Variants in OR56A3 observed in about 807,000 individuals in gnomAD.
The protein encoded by OR56A3 is olfactory receptor 56A3.
OR56A3 carries 23 observed loss-of-function variants against 17.5 expected under a neutral mutation model. The observed-to-expected ratio is 1.32, with a 90% CI of 0.95 to 1.87. OR56A3 has a LOEUF of 1.87. Among genes scored for constraint, OR56A3 ranks in the 40% most tolerant of loss-of-function variants. The probability of loss-of-function intolerance (pLI) is 0.00; values close to 1 mark genes in which losing one functional copy is unlikely to be tolerated. For missense variants in OR56A3, 366 were observed against 380.1 expected (o/e 0.96, Z 0.31); for synonymous variants, 175 against 150.6 (o/e 1.16, Z -1.19).
At chr11:5,956,534 T>C in the OR56A3 span, among the ~76,000 whole-genome samples, 423 of 152,304 alleles carry the variant, frequency 2.8e-3, 2 homozygotes, top group African/African-American at 9.7e-3. Flanking sequence ...TAAAACAAAG[T>C]ATTATTTCTG....
chr11:5,962,856 C>G, the OR56A3 span, among the ~76,000 whole-genome samples: 23 of 152,266 alleles, frequency 1.5e-4, no homozygotes, highest in Non-Finnish European at 2.8e-4. Context: ...TGAGATACTT[C>G]TACTACTATC....
chr11:5,976,455 A>G, the OR56A3 span, among the ~76,000 whole-genome samples: 1 of 152,162 alleles, frequency 6.6e-6, no homozygotes, highest in Non-Finnish European at 1.5e-5. Flanking sequence ...TTTGTGTCCT[A>G]AAATCTATAA....
the OR56A3 span, among the ~76,000 whole-genome samples, chr11:5,960,331 C>T: frequency 3.9e-5 from 6 of 152,048 alleles, no homozygotes; most frequent in East Asian, 9.7e-4. Context: ...ACTGTACTGC[C>T]ACCATCTCGG....
chr11:5,960,424 T>C, the OR56A3 span, among the ~76,000 whole-genome samples: 1 of 152,190 alleles, frequency 6.6e-6, no homozygotes, highest in East Asian at 1.9e-4. Context: ...CACACCTGAC[T>C]GGTTGTCGTA....
the OR56A3 span, among the ~76,000 whole-genome samples, chr11:5,961,146 G>C: frequency 6.7e-6 from 1 of 149,802 alleles, no homozygotes; most frequent in Non-Finnish European, 1.5e-5. Context: ...GGCAGCCCCC[G>C]CCCGGCCACC....
At chr11:5,984,011 G>A in the OR56A3 span, among the ~76,000 whole-genome samples, 2 of 152,102 alleles carry the variant, frequency 1.3e-5, no homozygotes, top group Admixed American at 6.5e-5. Context: ...GAGATTTTGC[G>A]ATGTCTTTCA....
the OR56A3 span, among the ~76,000 whole-genome samples, chr11:5,975,174 G>A: frequency 4.6e-5 from 7 of 152,184 alleles, no homozygotes; most frequent in African/African-American, 1.7e-4. Flanking sequence ...GGACCTGCTA[G>A]GAGTTCCTAT....
At chr11:5,955,591 G>C (rs955800495), downstream of OR56A3, among the ~76,000 whole-genome samples, 2 of 152,280 alleles carry the variant, frequency 1.3e-5, no homozygotes, top group African/African-American at 4.8e-5. Flanking sequence ...TGCACAGTTT[G>C]GCCTTTGACT....
the OR56A3 span, chr11:6,002,034 T>A: frequency 2.6e-6 from 4 of 1,539,478 alleles, no homozygotes; most frequent in Non-Finnish European, 3.5e-6. Flanking sequence ...TAAAGGTGGA[T>A]CTAATCCTTT....
chr11:5,959,918 A>C, the OR56A3 span, among the ~76,000 whole-genome samples: 2 of 152,178 alleles, frequency 1.3e-5, no homozygotes, highest in Non-Finnish European at 2.9e-5. Context: ...TATTTATTGA[A>C]AAATCTCCTT....
intron 1 of OR56A3, among the ~76,000 whole-genome samples, chr11:5,944,204 G>T (rs1442187372): frequency 1.3e-5 from 2 of 152,218 alleles, no homozygotes; most frequent in Non-Finnish European, 2.9e-5. Flanking sequence ...TATTAGAAAA[G>T]AGAAAGTAAG....
the OR56A3 span, among the ~76,000 whole-genome samples, chr11:5,990,863 G>A: frequency 6.6e-6 from 1 of 152,170 alleles, no homozygotes; most frequent in Non-Finnish European, 1.5e-5. Context: ...CTGCAACACA[G>A]AGAGAACTAG....
chr11:5,997,991 T>C, the OR56A3 span, among the ~76,000 whole-genome samples: 20 of 152,162 alleles, frequency 1.3e-4, no homozygotes, highest in South Asian at 4.0e-3. Flanking sequence ...TGTGTGACAG[T>C]GAAGGAAAAA....
chr11:5,986,241 C>A, the OR56A3 span: 10 of 1,613,634 alleles, frequency 6.2e-6, no homozygotes, highest in Non-Finnish European at 8.5e-6. Flanking sequence ...CACCAATGGC[C>A]AGAACATCCA....
chr11:5,957,314 T>G, the OR56A3 span, among the ~76,000 whole-genome samples: 1 of 152,254 alleles, frequency 6.6e-6, no homozygotes, highest in Non-Finnish European at 1.5e-5. Flanking sequence ...TGTTATACTG[T>G]ATACATCATT....
the OR56A3 span, chr11:6,007,052 C>T: frequency 3.9e-5 from 6 of 152,310 alleles, no homozygotes; most frequent in East Asian, 1.9e-4. Context: ...TTATTAGGCA[C>T]CTGGATCCTG....
At chr11:5,968,069 T>C in the OR56A3 span, 44 of 1,612,452 alleles carry the variant, frequency 2.7e-5, no homozygotes, top group African/African-American at 3.1e-4. Context: ...TAGCGACAAA[T>C]TGATCAGTGA....
At position 5,948,635 on chromosome 11, in the gene OR56A3, G is replaced by A. The variant is rs549290904; in HGVS notation, c.*341G>A. 8 of 222,232 alleles carry A rather than the reference G, an allele frequency of 3.6e-5. No individual in the cohort carries two copies. The highest frequency in any genetic ancestry group is 3.0e-4 in the South Asian group (3 of 10,132). The allele number at this position is 222,232 out of a possible 1,614,324, so 13.8% of individuals were successfully genotyped here. A position where few individuals can be genotyped will look rare whatever the true frequency, so the allele number is the denominator to read the frequency against. Reference sequence around the variant, plus strand: ...TTTGTATCATTAAAAATACAACTGCGGTTATTTTGTTGTGTCTGTTATGTG... The same window carrying A: ...TTTGTATCATTAAAAATACAACTGCAGTTATTTTGTTGTGTCTGTTATGTG... On this transcript the variant is annotated 3_prime_UTR_variant, in exon 3 of 3. Coordinates refer to ENST00000641160, the MANE Select transcript of OR56A3 (RefSeq NM_001003443.3).
chr11:5,955,257 G>T (rs1847926468), downstream of OR56A3, among the ~76,000 whole-genome samples: 1 of 152,136 alleles, frequency 6.6e-6, no homozygotes, highest in South Asian at 2.1e-4. Context: ...TTAAAATCAA[G>T]ACTTGAAAGA....
Sources: allele counts gnomAD v4.1 joint callset (sites outside exome capture counted in the v4.1 genomes callset), GRCh38; gene constraint gnomAD v4.1.1; transcripts MANE v1.5; gene names NCBI Gene and HGNC (gene_info 2026-07-23, HGNC 2026-07-21).